Variants in KCND2 observed in about 807,000 individuals in gnomAD.
The protein encoded by KCND2 is A-type voltage-gated potassium channel KCND2.
A neutral mutation model predicts 54.4 loss-of-function variants in KCND2; 16 were observed. The ratio of observed to expected loss-of-function variants is 0.29; its 90% confidence interval spans 0.20 to 0.45. The LOEUF (loss-of-function observed/expected upper bound fraction) is 0.45, where lower values mean the gene tolerates loss of function less well. Among genes scored for constraint, KCND2 ranks in the 20% least tolerant of loss-of-function variants. The probability of loss-of-function intolerance (pLI) is 1.00; values close to 1 mark genes in which losing one functional copy is unlikely to be tolerated. For missense variants in KCND2, 486 were observed against 824.2 expected (o/e 0.59, Z 5.02); for synonymous variants, 317 against 310.7 (o/e 1.02, Z -0.21).
intron 1 of KCND2, among the ~76,000 whole-genome samples, chr7:120,363,352 C>T (rs553969072): frequency 1.3e-3 from 199 of 152,118 alleles, no homozygotes; most frequent in Non-Finnish European, 1.5e-3. Flanking sequence ...ACCACATATG[C>T]CCAAAACTAA....
chr7:120,684,806 G>A (rs549649490), intron 1 of KCND2, among the ~76,000 whole-genome samples: 1 of 152,116 alleles, frequency 6.6e-6, no homozygotes, highest in Admixed American at 6.6e-5. Context: ...AATCTCATAG[G>A]AGCACAAACC....
intron 1 of KCND2, among the ~76,000 whole-genome samples, chr7:120,696,887 C>A (rs1477446623): frequency 6.6e-6 from 1 of 152,162 alleles, no homozygotes; most frequent in Admixed American, 6.5e-5. Flanking sequence ...TATTCCATTA[C>A]AGCAACACAA....
chr7:120,394,324 CTAAG>C (rs1266629992), intron 1 of KCND2, among the ~76,000 whole-genome samples: 1 of 151,866 alleles, frequency 6.6e-6, no homozygotes, highest in Admixed American at 6.6e-5. Flanking sequence ...TCTGTTTGCA[CTAAG>C]TCTACCTCTT....
chr7:120,359,807 C>T (rs1800567958), intron 1 of KCND2, among the ~76,000 whole-genome samples: 1 of 151,966 alleles, frequency 6.6e-6, no homozygotes, highest in African/African-American at 2.4e-5. Flanking sequence ...GGGGGTGGTT[C>T]CCTGATGCTG....
At chr7:120,359,999 TC>T (rs954865378) in intron 1 of KCND2, among the ~76,000 whole-genome samples, 3 of 152,124 alleles carry the variant, frequency 2.0e-5, no homozygotes, top group African/African-American at 7.2e-5. Flanking sequence ...AAACCTCTTT[TC>T]TTTATAAATT....
At chr7:120,304,847 G>T (rs1014264047) in intron 1 of KCND2, among the ~76,000 whole-genome samples, 1 of 152,134 alleles carries the variant, frequency 6.6e-6, no homozygotes, top group Non-Finnish European at 1.5e-5. Flanking sequence ...TCCTAAGAGA[G>T]CCTGGGCAGG....
chr7:120,485,223 G>T (rs1036700545), intron 1 of KCND2, among the ~76,000 whole-genome samples: 14 of 152,060 alleles, frequency 9.2e-5, no homozygotes, highest in African/African-American at 3.1e-4. Flanking sequence ...TTAACATATT[G>T]TTACAATAAT....
intron 1 of KCND2, among the ~76,000 whole-genome samples, chr7:120,443,381 A>G (rs1053823075): frequency 2.8e-4 from 40 of 145,050 alleles, no homozygotes; most frequent in African/African-American, 9.8e-4. Context: ...AATAATAATA[A>G]TAATAAAGTA....
At chr7:120,523,838 T>C (rs1311535620) in intron 1 of KCND2, among the ~76,000 whole-genome samples, 1 of 150,780 alleles carries the variant, frequency 6.6e-6, no homozygotes, top group Admixed American at 6.6e-5. Flanking sequence ...CAGCAACATA[T>C]ATATGGAGTA....
At chr7:120,406,253 G>A (rs546553483) in intron 1 of KCND2, among the ~76,000 whole-genome samples, 8 of 151,846 alleles carry the variant, frequency 5.3e-5, no homozygotes, top group African/African-American at 1.9e-4. Context: ...AATTCAAAGT[G>A]GTGTATTTAA....
intron 1 of KCND2, among the ~76,000 whole-genome samples, chr7:120,398,126 G>A (rs1801187249): frequency 6.9e-6 from 1 of 144,544 alleles, no homozygotes; most frequent in African/African-American, 2.6e-5. Context: ...TGCATAGCAT[G>A]GCAATACTAG....
rs568208386 is a variant in KCND2, at chr7:120,451,299, G to A, written c.1115+175552G>A. 2.6e-5 allele frequency among the ~76,000 whole-genome samples: 4 copies of A among 152,106 alleles called. No individual in the cohort carries two copies. In the East Asian group the frequency reaches 5.8e-4, roughly 22 times the overall value. On this transcript the variant is annotated intron_variant, in intron 1 of 5. Transcript: ENST00000331113. ...TAAATCACCAAATGCTAGGAAGCAC[G>A]AGTTATTAAAAAATATATATATATT...
intron 1 of KCND2, among the ~76,000 whole-genome samples, chr7:120,363,333 A>G (rs1424805120): frequency 1.3e-5 from 2 of 152,032 alleles, no homozygotes; most frequent in African/African-American, 2.4e-5. Context: ...ATGTCTAAGA[A>G]TCTCTCAAAC....
chr7:120,384,912 G>A (rs1014168), intron 1 of KCND2, among the ~76,000 whole-genome samples: 101,668 of 150,538 alleles, frequency 0.68, 38,704 homozygotes, highest in South Asian at 0.91. Flanking sequence ...AAGACGAGTT[G>A]TATTTTATAG....
At chr7:120,637,896 G>GC (rs1258699903) in intron 1 of KCND2, among the ~76,000 whole-genome samples, 1 of 151,956 alleles carries the variant, frequency 6.6e-6, no homozygotes, top group African/African-American at 2.4e-5. Context: ...AGACCCAGCG[G>GC]AATCCTTACC....
intron 1 of KCND2, among the ~76,000 whole-genome samples, chr7:120,409,892 G>T (rs1326199604): frequency 1.3e-5 from 2 of 151,532 alleles, no homozygotes; most frequent in African/African-American, 2.4e-5. Context: ...TAAAAATTTT[G>T]ATCAACTACA....
intron 1 of KCND2, among the ~76,000 whole-genome samples, chr7:120,614,690 G>A (rs796309757): frequency 6.1e-4 from 93 of 152,236 alleles, no homozygotes; most frequent in African/African-American, 2.2e-3. Flanking sequence ...AGCATCACAG[G>A]ATAAGTATGG....
intron 1 of KCND2, among the ~76,000 whole-genome samples, chr7:120,548,892 G>A (rs1053538258): frequency 1.3e-5 from 2 of 152,140 alleles, no homozygotes; most frequent in African/African-American, 4.8e-5. Flanking sequence ...TCATACAAAA[G>A]TGAGGGATAC....
chr7:120,560,218 A>G (rs1792216520), intron 1 of KCND2, among the ~76,000 whole-genome samples: 1 of 152,232 alleles, frequency 6.6e-6, no homozygotes. Context: ...ATATTTTTCC[A>G]AAGTCCCAGA....
Sources: allele counts gnomAD v4.1 joint callset (sites outside exome capture counted in the v4.1 genomes callset), GRCh38; gene constraint gnomAD v4.1.1; transcripts MANE v1.5; gene names NCBI Gene and HGNC (gene_info 2026-07-23, HGNC 2026-07-21).